Variants in IGSF1 observed in about 807,000 individuals in gnomAD.
The protein encoded by IGSF1 is immunoglobulin-like domain-containing protein 1.
IGSF1 carries 40 observed loss-of-function variants against 95.3 expected under a neutral mutation model. The ratio of observed to expected loss-of-function variants is 0.42; its 90% CI spans 0.33 to 0.55. The LOEUF (loss-of-function observed/expected upper bound fraction) is 0.55, where lower values mean the gene tolerates loss of function less well. Among genes scored for constraint, IGSF1 ranks in the 20% least tolerant of loss-of-function variants. The pLI, the probability that IGSF1 is intolerant of heterozygous loss-of-function variation, is 0.10. For missense variants in IGSF1, 906 were observed against 1,025.4 expected (o/e 0.88, Z 1.59); for synonymous variants, 372 against 382.9 (o/e 0.97, Z 0.33).
chrX:131,277,626 A>C (rs2080493162), intron 13 of IGSF1: 2 of 394,334 alleles, frequency 5.1e-6, no homozygotes, highest in Non-Finnish European at 8.7e-6. Context: ...ATAATTAGAA[A>C]AATTAAATCA....
In IGSF1 at chrX:131,275,069, A is replaced by G; in HGVS notation, c.3402T>C (p.Cys1134=). 1 of 1,210,292 alleles carries G rather than the reference A, an allele frequency of 8.3e-7. No individual in the cohort carries two copies. Among genetic ancestry groups the G allele is most frequent in the Non-Finnish European group, 1.1e-6 (1 of 894,204 alleles). The change falls in exon 17 of 20, where the codon TGT becomes TGC. Residue 1134 remains cysteine (C), a synonymous_variant. Transcript: ENST00000361420. ...AGGGAGTAGAGTCCAAATAATAAAC[A>G]CAGCTATAGATCCCAGAGTCTTCAC... ...VRGEDSGIYS[C]VYYLDSTPFA...
At position 131,285,396 on chromosome X, in the gene IGSF1, G is replaced by T; in HGVS notation, c.450C>A (p.Ile150=). 2 of 1,210,972 alleles carry T rather than the reference G, an allele frequency of 1.7e-6. No homozygotes were observed. Among genetic ancestry groups the T allele is most frequent in the South Asian group, 1.8e-5 (1 of 56,957 alleles). Reference sequence around the variant, plus strand: ...AATCCTGCAGCCAGCCATGGCAGAGGATGTTAACATTACACCCAGGAAGAG... The same window carrying T: ...AATCCTGCAGCCAGCCATGGCAGAGTATGTTAACATTACACCCAGGAAGAG... ...TPALPGCNVN[I]LCHGWLQDLV... is the part of the protein sequence containing the mutation. The change falls in exon 5 of 20, where the codon ATC becomes ATA. Residue 150 remains isoleucine (I), a synonymous_variant. Transcript: ENST00000361420.
At chrX:131,284,298 G>A (rs1019561388) in intron 5 of IGSF1, 1 of 160,530 alleles carries the variant, frequency 6.2e-6, no homozygotes, top group Admixed American at 9.4e-5. Flanking sequence ...CTGAGGCACA[G>A]AGAGAAGCAT....
In IGSF1 at chrX:131,279,492, A is replaced by C. The variant is rs1203747486; in HGVS notation, c.1647-151T>G. 8.1e-6 allele frequency: 4 copies of C among 492,567 alleles called. No individual in the cohort carries two copies. In the Admixed American group the frequency reaches 1.3e-4, roughly 17 times the overall value. The allele number at this position is 492,567 out of a possible 1,213,427, so 40.6% of individuals were successfully genotyped here. ...TGGGATATAATCTTATTTGACATCAATGACTTTTCTTTTTGAGGGCCTTAC... is the reference window on the plus strand; with the variant it reads ...TGGGATATAATCTTATTTGACATCACTGACTTTTCTTTTTGAGGGCCTTAC... On this transcript the variant is annotated intron_variant, in intron 9 of 19. Transcript: ENST00000361420.
chrX:131,282,618 C>T lies in IGSF1; in HGVS notation c.1072G>A (p.Gly358Arg), dbSNP rs1180581218. ...DGVGLALYKK[G>R]EDKPLQFLDA... ...AAAAATTGAAGTGGTTTGTCTTCTC[C>T]TTTCTTATAGAGTGCAAGACCCACT... The change falls in exon 7 of 20, where the codon GGA becomes AGA. Residue 358 changes from glycine (G) to arginine (R), a missense_variant. Coordinates refer to ENST00000361420, the MANE Select transcript of IGSF1 (RefSeq NM_001555.5). 1 of 1,210,759 alleles carries T rather than the reference C, an allele frequency of 8.3e-7. No individual in the cohort carries two copies. The highest frequency in any genetic ancestry group is 1.1e-6 in the Non-Finnish European group (1 of 894,861).
intron 14 of IGSF1, 47 bp downstream of exon 14, chrX:131,276,892 C>T: frequency 8.7e-7 from 1 of 1,144,463 alleles, no homozygotes; most frequent in Non-Finnish European, 1.2e-6. Flanking sequence ...CTTCCACCCA[C>T]CATCCCAGGG....
intron 9 of IGSF1, among the ~76,000 whole-genome samples, chrX:131,280,147 AT>A (rs10718492): frequency 0.078 from 7,953 of 101,934 alleles, 322 homozygotes; most frequent in South Asian, 0.16. Flanking sequence ...ATAAAGCTAC[AT>A]TTTTTTTTTT....
chrX:131,281,627 G>C (rs368535318), intron 8 of IGSF1, 39 bp downstream of exon 8: 10 of 1,173,066 alleles, frequency 8.5e-6, no homozygotes, highest in Non-Finnish European at 1.2e-5. Flanking sequence ...GGATCCCTGG[G>C]GTATGGAGGG....
intron 9 of IGSF1, 141 bp downstream of exon 9, chrX:131,281,077 G>T: frequency 1.6e-6 from 1 of 626,446 alleles, no homozygotes; most frequent in Non-Finnish European, 2.5e-6. Context: ...AGAGACAGGT[G>T]GGGTGAGAAA....
rs1215064968 is a variant in IGSF1 at position 131,283,031 on chromosome X, C to T, written c.901G>A (p.Ala301Thr). The change falls in exon 6 of 20, where the codon GCA (alanine) becomes ACA (threonine). Residue 301 changes from alanine to threonine, a missense_variant. Physicochemically the swap from Ala to Thr is moderately conservative, Grantham distance 58. Transcript: ENST00000361420. Reference protein sequence around the residue: ...TGHYLCFYYDASYRGSLLSDV... With the variant: ...TGHYLCFYYDTSYRGSLLSDV... ...CTAAGGAGTGAACCTCTATATGATG[C>T]GTCATAGTAAAAACAGAGGTAATGT... 6 of 1,204,745 alleles carry T rather than the reference C, an allele frequency of 5.0e-6. No homozygotes were observed. The highest frequency in any genetic ancestry group is 5.9e-5 in the East Asian group (2 of 33,820).
At chrX:131,289,389 G>C (rs1218369751), upstream of IGSF1, 1 of 351,916 alleles carries the variant, frequency 2.8e-6, no homozygotes, top group Non-Finnish European at 5.5e-6. Flanking sequence ...TCCCTGCGCC[G>C]GGCTCGGGGA....
intron 2 of IGSF1, 43 bp from the exon 3 acceptor site, chrX:131,286,506 T>A: frequency 3.4e-6 from 4 of 1,186,141 alleles, no homozygotes; most frequent in Non-Finnish European, 4.6e-6. Flanking sequence ...CCTTGTTGTC[T>A]CCATCCTGTG....
rs1485940433 is a variant in IGSF1 at position 131,276,085 on chromosome X, T to C, written c.2772A>G (p.Ser924=). ...CAACAGTGTGGAGAAGGAAGTCAGC[T>C]GAGTTCCCTGAGACACTCCGAAACT... is the stretch of plus-strand genomic sequence containing the variant. ...PLQFRSVSGN[S]ADFLLHTVGA... The change falls in exon 15 of 20, where the codon TCA becomes TCG. Residue 924 remains serine (S), a synonymous_variant. Coordinates refer to ENST00000361420, the MANE Select transcript of IGSF1 (RefSeq NM_001555.5). The C allele has an allele frequency of 1.7e-6, 2 of 1,209,355 alleles. No individual in the cohort carries two copies. Among genetic ancestry groups the C allele is most frequent in the Admixed American group, 4.4e-5 (2 of 45,678 alleles).
chrX:131,274,008 G>C, intron 19 of IGSF1, 75 bp downstream of exon 19: 1 of 1,203,629 alleles, frequency 8.3e-7, no homozygotes. Context: ...TCAGATACTA[G>C]GGGAGCATTT....
intron 9 of IGSF1, 38 bp downstream of exon 9, chrX:131,281,180 T>C: frequency 8.3e-7 from 1 of 1,203,408 alleles, no homozygotes; most frequent in Non-Finnish European, 1.1e-6. Context: ...TCAGACTCTG[T>C]TAGGTTGGGG....
At chrX:131,284,896 C>T in intron 5 of IGSF1, 1 of 744,291 alleles carries the variant, frequency 1.3e-6, no homozygotes, top group Non-Finnish European at 1.7e-6. Context: ...TGAATGAATG[C>T]ATGATATTCA....
intron 4 of IGSF1, 82 bp from the exon 5 acceptor site, chrX:131,285,548 T>C: frequency 9.8e-7 from 1 of 1,022,940 alleles, no homozygotes; most frequent in Non-Finnish European, 1.3e-6. Context: ...TCTACTTTAA[T>C]TGAGGTTTCC....
At position 131,274,206 on chromosome X, in the gene IGSF1, C is replaced by T; in HGVS notation, c.3752G>A (p.Gly1251Glu). The stretch of plus-strand genomic sequence containing the variant: ...TACAGTGCACTCCTGAGCAACAGGC[C>T]CTGTGGTGATGAAAGAGGAGAAACC... The part of the protein sequence containing the change: ...SDPLELVGAA[G>E]PVAQECTVGN... The change falls in exon 19 of 20, where the codon GGG (glycine) becomes GAG (glutamate). Residue 1251 changes from glycine to glutamate, a missense_variant and splice_region_variant. This residue lies in a region of IGSF1 where 411 missense variants were observed against 494.9 expected (regional missense o/e 0.83). Coordinates refer to ENST00000361420, the MANE Select transcript of IGSF1 (RefSeq NM_001555.5). 1.7e-6 allele frequency: 2 copies of T among 1,210,849 alleles called. No individual in the cohort carries two copies. Among genetic ancestry groups the T allele is most frequent in the Non-Finnish European group, 2.2e-6 (2 of 895,193 alleles).
chrX:131,274,342 G>T, intron 18 of IGSF1, 136 bp from the exon 19 acceptor site: 1 of 854,155 alleles, frequency 1.2e-6, no homozygotes, highest in Non-Finnish European at 1.6e-6. Flanking sequence ...CAGAGGGGGT[G>T]GGCAGTGGCA....
Sources: gnomAD v4.1 joint callset for allele counts (sites outside exome capture counted in the v4.1 genomes callset) on GRCh38, gnomAD v4.1.1 for gene constraint, gnomAD v4.1.1 regional missense constraint, MANE v1.5 for transcripts, NCBI Gene and HGNC (gene_info 2026-07-23, HGNC 2026-07-21) for gene names.